MAP4K2: variants seen among roughly 807,000 people sequenced by gnomAD.
MAP4K2 encodes mitogen-activated protein kinase kinase kinase kinase 2.
Under a neutral mutation model 125.3 loss-of-function variants are expected in MAP4K2, and 85 were observed. That is an observed-to-expected ratio of 0.68 (90% CI 0.57 to 0.81). The LOEUF (loss-of-function observed/expected upper bound fraction) is 0.81. Among genes scored for constraint, MAP4K2 ranks in the 40% least tolerant of loss-of-function variants. The pLI, the probability that MAP4K2 is intolerant of heterozygous loss-of-function variation, is 0.00. For synonymous variants in MAP4K2, 479 were observed against 445.1 expected, an observed-to-expected ratio of 1.08 and a Z score of -0.96; for missense variants, 923 against 1,056.4, an observed-to-expected ratio of 0.87 and a Z score of 1.75.
rs1310057641 is a variant in MAP4K2, at chr11:64,799,703, G to A, written c.916-20C>T. On this transcript the variant is annotated intron_variant, in intron 12 of 31. Transcript: ENST00000294066. ...ATAGGTCTAAGGAAAAACAGAAACA[G>A]TGTGGACACACCTGGCACGCGCCTC... The A allele has an allele frequency of 3.7e-6, 6 of 1,606,066 alleles. No homozygotes were observed. The Middle Eastern group carries it at 4.9e-4, about 132-fold the overall frequency.
chr11:64,795,678 A>C (rs1046816456), intron 24 of MAP4K2, among the ~76,000 whole-genome samples: 2 of 152,214 alleles, frequency 1.3e-5, no homozygotes, highest in Non-Finnish European at 2.9e-5. Flanking sequence ...CTGGGATTAC[A>C]GGCGTGAGCC....
Position 64,796,964 on chromosome 11 carries a change from C to T in MAP4K2, c.1407+18G>A. 1 of 1,613,772 alleles carries T rather than the reference C, an allele frequency of 6.2e-7. No individual in the cohort carries two copies. Among genetic ancestry groups the T allele is most frequent in the Middle Eastern group, 1.6e-4 (1 of 6,062 alleles). On this transcript the variant is annotated intron_variant, in intron 20 of 31. Transcript: ENST00000294066. Reference sequence around the variant, plus strand: ...GTGGCAGGGCTGTGGGACTGCAGGGCTTGGGGCAAACACTTACATGCACCT... The same window carrying T: ...GTGGCAGGGCTGTGGGACTGCAGGGTTTGGGGCAAACACTTACATGCACCT...
chr11:64,801,477 A>G (rs1373668048), intron 7 of MAP4K2, 102 bp downstream of exon 7: 3 of 1,328,370 alleles, frequency 2.3e-6, no homozygotes, highest in Non-Finnish European at 3.2e-6. Context: ...CTGAGACTCA[A>G]GTGGCAAAGT....
chr11:64,801,056 T>C, intron 8 of MAP4K2, 25 bp from the exon 9 acceptor site: 1 of 1,613,742 alleles, frequency 6.2e-7, no homozygotes, highest in Non-Finnish European at 8.5e-7. Context: ...ACAGATGGGA[T>C]GGCCGGGTGC....
In MAP4K2 at chr11:64,801,609, G is replaced by A; in HGVS notation, c.427C>T (p.Leu143Phe). The part of the protein sequence containing the change: ...IHRDIKGANL[L>F]LTLQGDVKLA... ...TTGACATCTCCCTGGAGAGTGAGGA[G>A]AAGGTTGGCTCCCTGTGGGAATGGA... The change falls in exon 7 of 32, where the codon CTC becomes TTC. Residue 143 changes from leucine (L) to phenylalanine (F), a missense_variant. Coordinates refer to ENST00000294066, the MANE Select transcript of MAP4K2 (RefSeq NM_004579.5). 2 of 1,614,032 alleles carry A rather than the reference G, an allele frequency of 1.2e-6. No homozygotes were observed. Among genetic ancestry groups the A allele is most frequent in the Non-Finnish European group, 1.7e-6 (2 of 1,179,958 alleles).
intron 24 of MAP4K2, among the ~76,000 whole-genome samples, chr11:64,795,701 C>CT (rs1032635461): frequency 4.6e-5 from 7 of 152,180 alleles, no homozygotes; most frequent in African/African-American, 1.7e-4. Flanking sequence ...CCCGCCCAGA[C>CT]TTTTTTGATT....
In MAP4K2 at chr11:64,800,431, T is replaced by G. The variant is rs759325840; in HGVS notation, c.726-39A>C. 4 of 1,604,920 alleles carry G rather than the reference T, an allele frequency of 2.5e-6. No individual in the cohort carries two copies. In the South Asian group the frequency reaches 4.4e-5, roughly 18 times the overall value. Reference sequence around the variant, plus strand: ...GAGCCCCCCAGCGCCAGATCCAGGTTAGCCCTCGTGCAGGGTGTCCTGCCA... The same window carrying G: ...GAGCCCCCCAGCGCCAGATCCAGGTGAGCCCTCGTGCAGGGTGTCCTGCCA... On this transcript the variant is annotated intron_variant, in intron 10 of 31. Coordinates refer to ENST00000294066, the MANE Select transcript of MAP4K2 (RefSeq NM_004579.5).
intron 14 of MAP4K2, among the ~76,000 whole-genome samples, chr11:64,799,074 A>G (rs1941001605): frequency 6.6e-6 from 1 of 152,204 alleles, no homozygotes; most frequent in African/African-American, 2.4e-5. Flanking sequence ...GAGACCAGTG[A>G]CAGAGCCGAT....
intron 24 of MAP4K2, among the ~76,000 whole-genome samples, chr11:64,793,196 A>G (rs1940603845): frequency 6.7e-6 from 1 of 150,104 alleles, no homozygotes; most frequent in Admixed American, 6.7e-5. Flanking sequence ...AGCCCGGGCA[A>G]TGAGAGTGAA....
intron 15 of MAP4K2, 136 bp from the exon 16 acceptor site, chr11:64,797,800 A>G (rs1204270735): frequency 3.7e-6 from 3 of 809,410 alleles, no homozygotes; most frequent in Admixed American, 7.0e-5. Flanking sequence ...CCGCCCCCCA[A>G]GTTCACGCCA....
intron 24 of MAP4K2, among the ~76,000 whole-genome samples, chr11:64,792,948 G>A (rs368260730): frequency 6.6e-6 from 1 of 152,318 alleles, no homozygotes; most frequent in African/African-American, 2.4e-5. Flanking sequence ...CAGGTGCAAC[G>A]GCTCACGCCT....
At chr11:64,796,937 G>A in intron 20 of MAP4K2, 44 bp from the exon 21 acceptor site, 1 of 1,613,868 alleles carries the variant, frequency 6.2e-7, no homozygotes, top group South Asian at 1.1e-5. Flanking sequence ...CAGGGGTGGT[G>A]GGTGGCAGGG....
Position 64,798,786 on chromosome 11 carries a change from T to G in MAP4K2, c.1097+8A>C. The G allele has an allele frequency of 6.2e-7, 1 of 1,612,358 alleles. No individual in the cohort carries two copies. Among genetic ancestry groups the G allele is most frequent in the Non-Finnish European group, 8.5e-7 (1 of 1,179,204 alleles). ...CCACCCCCTGCAGCTTCCCCATACC[T>G]CACTTACCCACTCAACTCTTCCTTT... On this transcript the variant is annotated splice_region_variant and intron_variant, in intron 15 of 31. Transcript: ENST00000294066.
At position 64,796,503 on chromosome 11, in the gene MAP4K2, C is replaced by A. The variant is rs767895295; in HGVS notation, c.1623G>T (p.Leu541=). ...CATCCCACCTTGTACCTGAGAGTGA[C>A]AGCAGCACGTTGTTCACGCAGTAGA... is the stretch of plus-strand genomic sequence containing the variant. ...SWLYCVNNVL[L]SLSGKSTHIW... is the part of the protein sequence containing the mutation. Residue 541 remains leucine, a synonymous_variant, in exon 23 of 32, where the codon CTG becomes CTT. Coordinates refer to ENST00000294066, the MANE Select transcript of MAP4K2 (RefSeq NM_004579.5). 9.3e-6 allele frequency: 15 copies of A among 1,613,956 alleles called. No individual in the cohort carries two copies. Among genetic ancestry groups the A allele is most frequent in the Non-Finnish European group, 1.3e-5 (15 of 1,180,032 alleles).
Position 64,789,294 on chromosome 11 carries a change from G to A in MAP4K2, c.*243C>T. 1 of 554,958 alleles carries A rather than the reference G, an allele frequency of 1.8e-6. No homozygotes were observed. Among genetic ancestry groups the A allele is most frequent in the Non-Finnish European group, 3.2e-6 (1 of 308,708 alleles). 34.4% of individuals were successfully genotyped at this position (554,958 alleles called of 1,614,324 possible). A position where few individuals can be genotyped will look rare whatever the true frequency, so the allele number is the denominator to read the frequency against. On this transcript the variant is annotated 3_prime_UTR_variant, in exon 32 of 32. Transcript: ENST00000294066. ...CCCAGGGTCCCTGCCTTGGGCACTAGGGACTGGGCTGCCTCGGGGATGGGG... is the reference window on the plus strand; with the variant it reads ...CCCAGGGTCCCTGCCTTGGGCACTAAGGACTGGGCTGCCTCGGGGATGGGG...
Position 64,789,723 on chromosome 11 carries a change from C to T in MAP4K2, c.2375+7G>A, listed in dbSNP as rs1267231796. On this transcript the variant is annotated splice_region_variant and intron_variant, in intron 31 of 31. Transcript: ENST00000294066. The stretch of plus-strand genomic sequence containing the variant: ...TCTGAAGGGGAGGCTAGGGTACCAC[C>T]GCCTACCTGTGGGCCCCAAGCACTC... 6.2e-6 allele frequency: 10 copies of T among 1,614,078 alleles called. No homozygotes were observed. Among genetic ancestry groups the T allele is most frequent in the South Asian group, 5.5e-5 (5 of 91,086 alleles).
rs1326428064 is a variant in MAP4K2 at position 64,785,260 on chromosome 11, T to C, written c.*4277A>G. ...TGGGCTTACCAAGGGCATGGGAAAC[T>C]TTCCAGAGTGAAGGGGATGGTGATT... On this transcript the variant is annotated 3_prime_UTR_variant, in exon 32 of 32. Transcript: ENST00000294066. The C allele has an allele frequency of 6.6e-6, 1 of 152,250 alleles. No individual in the cohort carries two copies. Among genetic ancestry groups the C allele is most frequent in the Non-Finnish European group, 1.5e-5 (1 of 68,058 alleles). 9.4% of individuals were successfully genotyped at this position (152,250 alleles called of 1,614,324 possible). A position where few individuals can be genotyped will look rare whatever the true frequency, so the allele number is the denominator to read the frequency against.
At chr11:64,789,647 G>A in intron 31 of MAP4K2, 23 bp from the exon 32 acceptor site, 3 of 1,611,514 alleles carry the variant, frequency 1.9e-6, no homozygotes, top group Non-Finnish European at 8.5e-7. Context: ...GGAGTAGGGG[G>A]CAGGGCGGGA....
At chr11:64,801,272 G>A in intron 7 of MAP4K2, 89 bp from the exon 8 acceptor site, 2 of 1,468,702 alleles carry the variant, frequency 1.4e-6, no homozygotes, top group Non-Finnish European at 9.3e-7. Flanking sequence ...CACCTGGCAG[G>A]GCTCAGACGG....
Sources: allele counts gnomAD v4.1 joint callset (sites outside exome capture counted in the v4.1 genomes callset), GRCh38; gene constraint gnomAD v4.1.1; transcripts MANE v1.5; gene names NCBI Gene and HGNC (gene_info 2026-07-23, HGNC 2026-07-21).